The following ZNF880 variants were observed in gnomAD, a reference collection of about 807,000 sequenced individuals.
The protein encoded by ZNF880 is zinc finger protein 880, also known as zinc finger protein LOC400713.
In ZNF880, 12 loss-of-function variants were observed where a neutral mutation model predicts 11.8. The ratio of observed to expected loss-of-function variants is 1.02; its 90% confidence interval spans 0.65 to 1.65. ZNF880 has a LOEUF of 1.65. Ranked by LOEUF, ZNF880 falls within the 40% of genes most tolerant of loss-of-function variation. The pLI is 0.00. For synonymous variants in ZNF880, 210 were observed against 232.4 expected, an observed-to-expected ratio of 0.90 and a Z score of 0.88; for missense variants, 601 against 673.9, an observed-to-expected ratio of 0.89 and a Z score of 1.20.
upstream of ZNF880, chr19:52,367,500 CTT>C: frequency 6.6e-6 from 1 of 152,144 alleles, no homozygotes; most frequent in Non-Finnish European, 1.5e-5. Flanking sequence ...CAGGAGGATA[CTT>C]TATAGTAGAG....
At chr19:52,379,032 G>A (rs2059817) in intron 3 of ZNF880, among the ~76,000 whole-genome samples, 49,997 of 151,784 alleles carry the variant, frequency 0.33, 8,975 homozygotes, top group South Asian at 0.5. Context: ...CCATGATGGC[G>A]TCACTGAACT....
the ZNF880 span, among the ~76,000 whole-genome samples, chr19:52,391,774 G>A: frequency 6.6e-6 from 1 of 152,118 alleles, no homozygotes; most frequent in Non-Finnish European, 1.5e-5. Context: ...TCTGCCAGAC[G>A]GCAGGCAGTG....
At chr19:52,391,208 G>A in the ZNF880 span, 5 of 153,054 alleles carry the variant, frequency 3.3e-5, no homozygotes, top group Admixed American at 1.3e-4. Flanking sequence ...GGGGCAGCCA[G>A]TGATAAGGAG....
downstream of ZNF880, chr19:52,390,517 A>G (rs2058703871): frequency 5.2e-6 from 1 of 192,552 alleles, no homozygotes; most frequent in African/African-American, 2.4e-5. Flanking sequence ...CTTGTCCCAA[A>G]TTCCATCCCA....
At chr19:52,369,877 A>T, upstream of ZNF880, 1 of 1,525,762 alleles carries the variant, frequency 6.6e-7, no homozygotes, top group Middle Eastern at 1.7e-4. Flanking sequence ...GGCTCCGCCC[A>T]ATCCCACCCG....
chr19:52,394,447 C>T, the ZNF880 span, among the ~76,000 whole-genome samples: 1 of 151,144 alleles, frequency 6.6e-6, no homozygotes, highest in Admixed American at 6.6e-5. Flanking sequence ...GTTACCCAGC[C>T]TGGTCTCAAA....
At chr19:52,382,166 ACT>A (rs1986725126) in intron 3 of ZNF880, among the ~76,000 whole-genome samples, 1 of 152,010 alleles carries the variant, frequency 6.6e-6, no homozygotes, top group African/African-American at 2.4e-5. Context: ...CCCAGCTACT[ACT>A]TGGGAGGCTG....
intron 3 of ZNF880, among the ~76,000 whole-genome samples, chr19:52,378,749 C>T (rs1986627029): frequency 6.6e-6 from 1 of 151,862 alleles, no homozygotes. Flanking sequence ...ACTAAAGCCA[C>T]TGCTGATTTT....
the ZNF880 span, chr19:52,392,829 A>AT: frequency 5.4e-5 from 9 of 167,414 alleles, no homozygotes; most frequent in African/African-American, 2.8e-4. Context: ...GTATATATAT[A>AT]TATATTTTTT....
chr19:52,372,433 G>A (rs920697448), intron 1 of ZNF880, among the ~76,000 whole-genome samples: 3 of 146,922 alleles, frequency 2.0e-5, no homozygotes, highest in South Asian at 2.2e-4. Flanking sequence ...GACTACAGGC[G>A]CCCGCCACTA....
chr19:52,370,224 G>A (rs2122337796), intron 1 of ZNF880: 1 of 561,400 alleles, frequency 1.8e-6, no homozygotes, highest in East Asian at 3.0e-5. Context: ...GAGTTTGCCT[G>A]CTTCAAATCC....
intron 1 of ZNF880, 191 bp downstream of exon 1, chr19:52,370,168 G>A: frequency 4.3e-6 from 3 of 705,858 alleles, no homozygotes; most frequent in South Asian, 1.7e-5. Context: ...GGCTGGTCCT[G>A]TCCCCGGTCT....
the ZNF880 span, among the ~76,000 whole-genome samples, chr19:52,391,938 T>C: frequency 4.6e-5 from 7 of 152,306 alleles, no homozygotes; most frequent in Non-Finnish European, 7.4e-5. Flanking sequence ...TCTCCGGTCA[T>C]CAAAATGTGT....
At chr19:52,389,854 G>C (rs2058701230), downstream of ZNF880, 3 of 152,248 alleles carry the variant, frequency 2.0e-5, no homozygotes, top group South Asian at 6.2e-4. Context: ...CTTCAGCCTG[G>C]ACTTTTTGGT....
At chr19:52,397,244 G>C in the ZNF880 span, 1 of 151,204 alleles carries the variant, frequency 6.6e-6, no homozygotes, top group Middle Eastern at 3.4e-3. Context: ...CTCTGGAATT[G>C]AGCACAGGGT....
At position 52,373,241 on chromosome 19, in the gene ZNF880, A is replaced by T; in HGVS notation, c.139+4A>T. On this transcript the variant is annotated splice_donor_region_variant and intron_variant, in intron 2 of 3. Coordinates refer to ENST00000422689, the MANE Select transcript of ZNF880 (RefSeq NM_001145434.2). ...TACAGGAACCTGGTCTTTCTGGGTGAGGATAATGTCCCTTCAGAAGTCAAG... is the reference window on the plus strand; with the variant it reads ...TACAGGAACCTGGTCTTTCTGGGTGTGGATAATGTCCCTTCAGAAGTCAAG... The T allele has an allele frequency of 1.2e-6, 2 of 1,610,532 alleles. No homozygotes were observed. The highest frequency in any genetic ancestry group is 8.5e-7 in the Non-Finnish European group (1 of 1,178,248).
upstream of ZNF880, chr19:52,369,893 G>C (rs1418937186): frequency 8.4e-6 from 13 of 1,546,732 alleles, no homozygotes; most frequent in Non-Finnish European, 1.1e-5. Context: ...ACCCGGGCCT[G>C]GCCTCGCCTC....
chr19:52,393,835 C>CTTTTTT, the ZNF880 span, among the ~76,000 whole-genome samples: 2 of 109,140 alleles, frequency 1.8e-5, no homozygotes, highest in African/African-American at 3.4e-5. Context: ...TGCCCCCCCC[C>CTTTTTT]TTTTTTTTTT....
intron 3 of ZNF880, chr19:52,374,628 T>C: frequency 2.8e-6 from 2 of 725,976 alleles, no homozygotes; most frequent in Non-Finnish European, 4.9e-6. Flanking sequence ...TGAGCCACTG[T>C]ACCCTGCAAA....
Sources: gnomAD v4.1 joint callset for allele counts (sites outside exome capture counted in the v4.1 genomes callset) on GRCh38, gnomAD v4.1.1 for gene constraint, MANE v1.5 for transcripts, NCBI Gene and HGNC (gene_info 2026-07-23, HGNC 2026-07-21) for gene names.